The following COX7B2 variants were observed in gnomAD, a reference collection of about 807,000 sequenced individuals.
The protein encoded by COX7B2 is cytochrome c oxidase subunit 7B2, mitochondrial.
For missense variants in COX7B2, 109 were observed against 95.9 expected, an observed-to-expected ratio of 1.14 and a Z score of -0.57; for synonymous variants, 37 against 32.1, an observed-to-expected ratio of 1.15 and a Z score of -0.51.
At chr4:46,769,611 A>C (rs1380535807) in intron 2 of COX7B2, among the ~76,000 whole-genome samples, 7 of 152,148 alleles carry the variant, frequency 4.6e-5, no homozygotes, top group Non-Finnish European at 8.8e-5. Context: ...CCAGCTACTC[A>C]GAAGACTGGC....
At chr4:46,797,471 C>T (rs778383936) in intron 2 of COX7B2, among the ~76,000 whole-genome samples, 6 of 152,268 alleles carry the variant, frequency 3.9e-5, no homozygotes, top group Middle Eastern at 3.4e-3. Flanking sequence ...ACAATTGGAA[C>T]GGATATGCTC....
intron 2 of COX7B2, among the ~76,000 whole-genome samples, chr4:46,776,985 C>T (rs1577692635): frequency 6.6e-6 from 1 of 152,278 alleles, no homozygotes; most frequent in East Asian, 1.9e-4. Context: ...ATCTCAATTT[C>T]TTCTTACCAT....
At chr4:46,804,819 C>T (rs1322699578) in intron 2 of COX7B2, among the ~76,000 whole-genome samples, 2 of 152,244 alleles carry the variant, frequency 1.3e-5, no homozygotes, top group African/African-American at 4.8e-5. Context: ...CAGTCCTGTG[C>T]CGTGTGCCTG....
chr4:46,820,834 A>AAAAT (rs1217728599), intron 2 of COX7B2, among the ~76,000 whole-genome samples: 2 of 129,222 alleles, frequency 1.5e-5, no homozygotes, highest in Admixed American at 8.1e-5. Context: ...AAAAAAAAAA[A>AAAAT]ATATATATAT....
chr4:46,907,229 C>T (rs1720446015), intron 1 of COX7B2, among the ~76,000 whole-genome samples: 3 of 152,086 alleles, frequency 2.0e-5, no homozygotes, highest in Non-Finnish European at 4.4e-5. Context: ...TCTCTATTTC[C>T]CTCTACTTGA....
intron 1 of COX7B2, among the ~76,000 whole-genome samples, chr4:46,882,068 G>T (rs1560435703): frequency 6.6e-6 from 1 of 152,136 alleles, no homozygotes; most frequent in Non-Finnish European, 1.5e-5. Context: ...AGTCATACAG[G>T]AGCATATTGT....
At chr4:46,870,246 T>A (rs916231786) in intron 1 of COX7B2, among the ~76,000 whole-genome samples, 6 of 151,920 alleles carry the variant, frequency 3.9e-5, no homozygotes, top group African/African-American at 1.4e-4. Context: ...CATGATTACC[T>A]CAATAGGCAC....
chr4:46,897,368 C>G, intron 1 of COX7B2, among the ~76,000 whole-genome samples: 1 of 148,960 alleles, frequency 6.7e-6, no homozygotes, highest in African/African-American at 2.6e-5. Flanking sequence ...CAATCCAACA[C>G]CAGCTCAGCT....
intron 2 of COX7B2, among the ~76,000 whole-genome samples, chr4:46,791,800 G>GA (rs1260159125): frequency 2.8e-4 from 43 of 152,232 alleles, no homozygotes; most frequent in Admixed American, 1.6e-3. Context: ...ATAGGACACT[G>GA]AAAAAACAGG....
intron 2 of COX7B2, among the ~76,000 whole-genome samples, chr4:46,798,397 A>C (rs1365155156): frequency 6.6e-6 from 1 of 152,208 alleles, no homozygotes; most frequent in Non-Finnish European, 1.5e-5. Context: ...AGGCCATCAA[A>C]GGAAGGCTCT....
chr4:46,769,214 C>T (rs1451125643), intron 2 of COX7B2, among the ~76,000 whole-genome samples: 1 of 152,126 alleles, frequency 6.6e-6, no homozygotes, highest in Non-Finnish European at 1.5e-5. Context: ...CACTTCCAAA[C>T]TCATTTTATG....
Position 46,872,583 on chromosome 4 carries a change from C to T in COX7B2, c.-104-27569G>A, listed in dbSNP as rs541049246. On this transcript the variant is annotated intron_variant, in intron 1 of 2. Transcript: ENST00000355591. The stretch of plus-strand genomic sequence containing the variant: ...ATTTGGGGGCTTACCTGTCCTTCAT[C>T]ATCATTGCTTCTTAATTCTATCTCA... 1.1e-4 allele frequency among the ~76,000 whole-genome samples: 16 copies of T among 152,280 alleles called. No individual in the cohort carries two copies. The South Asian group carries it at 3.1e-3, about 30-fold the overall frequency.
chr4:46,743,849 T>C (rs1308270996), intron 2 of COX7B2, among the ~76,000 whole-genome samples: 1 of 152,152 alleles, frequency 6.6e-6, no homozygotes, highest in Non-Finnish European at 1.5e-5. Flanking sequence ...GTGTTCTCAA[T>C]ATTGTTACAT....
intron 2 of COX7B2, among the ~76,000 whole-genome samples, chr4:46,790,876 T>G (rs1718003694): frequency 6.6e-6 from 1 of 152,242 alleles, no homozygotes; most frequent in Non-Finnish European, 1.5e-5. Flanking sequence ...ACCACTTTAC[T>G]GAGGCTGAAA....
intron 2 of COX7B2, among the ~76,000 whole-genome samples, chr4:46,762,478 AC>A (rs1357837141): frequency 5.5e-4 from 77 of 140,114 alleles, no homozygotes; most frequent in Non-Finnish European, 1.1e-3. Context: ...TACTATATAT[AC>A]TATATATTGT....
At chr4:46,827,927 T>C (rs1051623469) in intron 2 of COX7B2, among the ~76,000 whole-genome samples, 10 of 152,130 alleles carry the variant, frequency 6.6e-5, no homozygotes, top group Admixed American at 4.6e-4. Flanking sequence ...TGCCTGGGAC[T>C]GGGATCAAAG....
chr4:46,824,454 A>G (rs577919674), intron 2 of COX7B2, among the ~76,000 whole-genome samples: 1 of 152,154 alleles, frequency 6.6e-6, no homozygotes, highest in Non-Finnish European at 1.5e-5. Flanking sequence ...CCTCACTTGT[A>G]CCAAAGTCAA....
chr4:46,864,784 A>G (rs1422357762), intron 1 of COX7B2, among the ~76,000 whole-genome samples: 1 of 152,042 alleles, frequency 6.6e-6, no homozygotes, highest in Non-Finnish European at 1.5e-5. Context: ...AGCTGGGACT[A>G]CAGGCGCCGG....
chr4:46,739,861 C>CT (rs1270139038), intron 2 of COX7B2, among the ~76,000 whole-genome samples: 1 of 151,952 alleles, frequency 6.6e-6, no homozygotes, highest in East Asian at 1.9e-4. Flanking sequence ...ACACTGGGGA[C>CT]TTTAAATGCT....
Sources: allele counts gnomAD v4.1 joint callset (sites outside exome capture counted in the v4.1 genomes callset), GRCh38; gene constraint gnomAD v4.1.1; transcripts MANE v1.5; gene names NCBI Gene and HGNC (gene_info 2026-07-23, HGNC 2026-07-21).